The following NPFFR2 variants were observed in gnomAD, a reference collection of about 807,000 sequenced individuals.
NPFFR2 encodes the protein G-protein coupled receptor 74.
In NPFFR2, 15 loss-of-function variants were observed where a neutral mutation model predicts 13.1. That is an observed-to-expected ratio of 1.15 (90% CI 0.77 to 1.76). The LOEUF (loss-of-function observed/expected upper bound fraction) is 1.76, where lower values mean the gene tolerates loss of function less well. NPFFR2 is among the 40% of genes most tolerant of loss of function. The probability of loss-of-function intolerance (pLI) is 0.00; values close to 1 mark genes in which losing one functional copy is unlikely to be tolerated. For missense variants in NPFFR2, 572 were observed against 503.5 expected (o/e 1.14, Z -1.30); for synonymous variants, 190 against 175.7 (o/e 1.08, Z -0.65).
intron 3 of NPFFR2, among the ~76,000 whole-genome samples, chr4:72,141,102 G>A (rs191554615): frequency 0.031 from 4,663 of 152,036 alleles, 224 homozygotes; most frequent in African/African-American, 0.1. Flanking sequence ...GATCAGTGGT[G>A]ATATCCCCTT....
chr4:72,033,901 C>CTGTGTGTGTG (rs149608407), intron 1 of NPFFR2, among the ~76,000 whole-genome samples: 10 of 150,356 alleles, frequency 6.7e-5, no homozygotes, highest in African/African-American at 2.4e-4. Flanking sequence ...TTCTTCGGCT[C>CTGTGTGTGTG]TGTGTGTGTG....
intron 1 of NPFFR2, among the ~76,000 whole-genome samples, chr4:72,098,007 A>G (rs1051886252): frequency 3.3e-5 from 5 of 152,132 alleles, no homozygotes; most frequent in African/African-American, 1.2e-4. Flanking sequence ...CATTATATAC[A>G]TATTTGTTTA....
chr4:72,099,114 G>A (rs1721157525), intron 1 of NPFFR2, among the ~76,000 whole-genome samples: 1 of 152,106 alleles, frequency 6.6e-6, no homozygotes, highest in Non-Finnish European at 1.5e-5. Context: ...TATACTCCAA[G>A]ATGTTTTCCT....
chr4:72,138,689 CT>C (rs1343389722), intron 3 of NPFFR2, among the ~76,000 whole-genome samples: 1 of 152,120 alleles, frequency 6.6e-6, no homozygotes, highest in Non-Finnish European at 1.5e-5. Flanking sequence ...GGTTCCAAGT[CT>C]TTGCTATTGT....
intron 1 of NPFFR2, among the ~76,000 whole-genome samples, chr4:72,104,467 T>C (rs2109813299): frequency 6.6e-6 from 1 of 152,190 alleles, no homozygotes; most frequent in South Asian, 2.1e-4. Flanking sequence ...TGAAATGTTT[T>C]TGTACATTTC....
At chr4:72,103,833 A>G (rs1721328782) in intron 1 of NPFFR2, among the ~76,000 whole-genome samples, 1 of 152,102 alleles carries the variant, frequency 6.6e-6, no homozygotes, top group Non-Finnish European at 1.5e-5. Context: ...TAAGAAATAC[A>G]TCTCGTTTTA....
intron 1 of NPFFR2, among the ~76,000 whole-genome samples, chr4:72,106,494 C>T (rs1721423521): frequency 6.6e-6 from 1 of 152,016 alleles, no homozygotes; most frequent in African/African-American, 2.4e-5. Flanking sequence ...TTAAGAAATT[C>T]ACAGCAATAA....
chr4:72,074,179 G>A (rs572403804), intron 1 of NPFFR2, among the ~76,000 whole-genome samples: 1 of 152,002 alleles, frequency 6.6e-6, no homozygotes, highest in Non-Finnish European at 1.5e-5. Flanking sequence ...AACCAAGATG[G>A]TTATTAGGTG....
At chr4:72,070,156 TG>T (rs1478555544) in intron 1 of NPFFR2, among the ~76,000 whole-genome samples, 21 of 152,306 alleles carry the variant, frequency 1.4e-4, no homozygotes, top group Non-Finnish European at 7.3e-5. Flanking sequence ...CCCTAGAGAT[TG>T]CTCCTTTAAC....
intron 1 of NPFFR2, among the ~76,000 whole-genome samples, chr4:72,085,503 A>G (rs1044067918): frequency 6.6e-6 from 1 of 152,076 alleles, no homozygotes; most frequent in African/African-American, 2.4e-5. Flanking sequence ...TCTTTTGTTC[A>G]ACTAAATGTA....
At chr4:72,048,907 T>C (rs1311214543) in intron 1 of NPFFR2, among the ~76,000 whole-genome samples, 1 of 152,090 alleles carries the variant, frequency 6.6e-6, no homozygotes, top group African/African-American at 2.4e-5. Context: ...TCAGGTTTCT[T>C]ATTCTGCCAG....
chr4:72,033,505 C>T (rs912797906), intron 1 of NPFFR2, among the ~76,000 whole-genome samples: 4 of 152,056 alleles, frequency 2.6e-5, no homozygotes, highest in African/African-American at 7.2e-5. Context: ...TATCATTATC[C>T]TATTCTTTTT....
chr4:72,147,935 T>G lies in NPFFR2; in HGVS notation c.*123T>G. The G allele has an allele frequency of 1.4e-6, 1 of 719,278 alleles. No homozygotes were observed. Among genetic ancestry groups the G allele is most frequent in the Non-Finnish European group, 2.1e-6 (1 of 474,058 alleles). The allele number at this position is 719,278 out of a possible 1,614,324, so 44.6% of individuals were successfully genotyped here. On this transcript the variant is annotated 3_prime_UTR_variant, in exon 4 of 4. Transcript: ENST00000308744. ...TAAATAAAACATTTACTGAAAGCCC[T>G]CTCTGGCAAAAAAATTAAAAATAAA...
intron 1 of NPFFR2, among the ~76,000 whole-genome samples, chr4:72,033,361 C>G (rs1718973220): frequency 6.6e-6 from 1 of 152,110 alleles, no homozygotes; most frequent in Admixed American, 6.5e-5. Flanking sequence ...TTTAATAAAA[C>G]AGTGATGCAA....
intron 1 of NPFFR2, among the ~76,000 whole-genome samples, chr4:72,106,024 A>G (rs1344276946): frequency 6.6e-6 from 1 of 152,070 alleles, no homozygotes; most frequent in Non-Finnish European, 1.5e-5. Context: ...GAAGATAAAA[A>G]GACCCAGGAT....
intron 1 of NPFFR2, among the ~76,000 whole-genome samples, chr4:72,078,046 G>C (rs1401821921): frequency 6.6e-6 from 1 of 152,024 alleles, no homozygotes; most frequent in Non-Finnish European, 1.5e-5. Context: ...CAATATATTA[G>C]AAATAAAAGG....
intron 2 of NPFFR2, 49 bp downstream of exon 2, chr4:72,128,968 A>T: frequency 7.1e-7 from 1 of 1,400,092 alleles, no homozygotes; most frequent in Non-Finnish European, 9.9e-7. Flanking sequence ...TATTTGTCCC[A>T]TATTTCAGCA....
intron 1 of NPFFR2, among the ~76,000 whole-genome samples, chr4:72,066,499 TTCTC>T: frequency 6.6e-6 from 1 of 152,290 alleles, no homozygotes; most frequent in East Asian, 1.9e-4. Flanking sequence ...ATTTAAATAT[TTCTC>T]AATCAGATAT....
intron 3 of NPFFR2, among the ~76,000 whole-genome samples, chr4:72,141,210 G>A (rs1220743204): frequency 5.3e-5 from 8 of 151,818 alleles, no homozygotes; most frequent in Middle Eastern, 3.4e-3. Context: ...AAAAAAACCA[G>A]CTCCTGGATT....
Sources: gnomAD v4.1 joint callset for allele counts (sites outside exome capture counted in the v4.1 genomes callset) on GRCh38, gnomAD v4.1.1 for gene constraint, MANE v1.5 for transcripts, NCBI Gene and HGNC (gene_info 2026-07-23, HGNC 2026-07-21) for gene names.